Variants in RBFOX1 observed in about 807,000 individuals in gnomAD.
The protein encoded by RBFOX1 is RNA binding protein fox-1 homolog 1.
Under a neutral mutation model 57.7 loss-of-function variants are expected in RBFOX1, and 8 were observed. The ratio of observed to expected loss-of-function variants is 0.14; its 90% CI spans 0.08 to 0.25. The LOEUF is 0.25. Ranked by LOEUF, RBFOX1 falls within the 10% of genes least tolerant of loss-of-function variation. The pLI is 1.00. For missense variants in RBFOX1, 611 were observed against 548.5 expected (o/e 1.11, Z -1.14); for synonymous variants, 326 against 222.4 (o/e 1.47, Z -4.15).
At chr16:7,361,473 C>A (rs2097318808) in intron 4 of RBFOX1, among the ~76,000 whole-genome samples, 2 of 152,180 alleles carry the variant, frequency 1.3e-5, no homozygotes, top group Admixed American at 6.5e-5. Context: ...GTTACCTGGT[C>A]CCCTGCTTGA....
intron 5 of RBFOX1, among the ~76,000 whole-genome samples, chr16:7,543,780 G>A (rs113372271): frequency 0.042 from 6,299 of 151,480 alleles, 193 homozygotes; most frequent in East Asian, 0.12. Flanking sequence ...GAGTGCAGTG[G>A]CACGATCTTG....
chr16:5,747,935 C>T (rs2053050457), intron 3 of RBFOX1, among the ~76,000 whole-genome samples: 1 of 152,004 alleles, frequency 6.6e-6, no homozygotes, highest in Admixed American at 6.6e-5. Context: ...TGTGTTTGCT[C>T]TTGCTTCTTT....
At chr16:6,102,848 C>G (rs1194053439) in intron 1 of RBFOX1, among the ~76,000 whole-genome samples, 1 of 152,030 alleles carries the variant, frequency 6.6e-6, no homozygotes, top group African/African-American at 2.4e-5. Flanking sequence ...TGTGTCCTGG[C>G]TTGTAGGACA....
At chr16:7,261,770 C>G (rs971368944) in intron 4 of RBFOX1, among the ~76,000 whole-genome samples, 1 of 152,170 alleles carries the variant, frequency 6.6e-6, no homozygotes, top group Admixed American at 6.5e-5. Flanking sequence ...AAAGTGAGAT[C>G]ACGAGAGCCT....
chr16:5,397,960 C>T (rs1024747568), intron 1 of RBFOX1, among the ~76,000 whole-genome samples: 30 of 152,160 alleles, frequency 2.0e-4, no homozygotes, highest in Non-Finnish European at 4.0e-4. Flanking sequence ...AGGTCCTTGC[C>T]CCCATGGAGC....
intron 3 of RBFOX1, among the ~76,000 whole-genome samples, chr16:5,774,827 C>G (rs1011726179): frequency 1.3e-5 from 2 of 152,154 alleles, no homozygotes; most frequent in African/African-American, 2.4e-5. Context: ...GGATTGCAGG[C>G]ACGTGCCACC....
At chr16:5,540,861 A>G (rs939673885) in intron 2 of RBFOX1, among the ~76,000 whole-genome samples, 1 of 152,084 alleles carries the variant, frequency 6.6e-6, no homozygotes, top group Non-Finnish European at 1.5e-5. Context: ...AATTTATTTT[A>G]TGTTTTTAGA....
At chr16:6,870,183 G>A (rs187655711) in intron 3 of RBFOX1, among the ~76,000 whole-genome samples, 66 of 152,172 alleles carry the variant, frequency 4.3e-4, no homozygotes, top group African/African-American at 1.4e-3. Flanking sequence ...GGTTTGGCCC[G>A]AAAACCTTAT....
In RBFOX1 at chr16:5,782,945, T is replaced by G. The variant is rs558046326; in HGVS notation, c.319-84358T>G. On this transcript the variant is annotated intron_variant, in intron 3 of 19. Coordinates refer to the RBFOX1 transcript ENST00000641259. ...TTGTTCTATGTAGGCCCTCCATGGATTGGATGACATCACCCACACGGGTGA... is the reference window on the plus strand; with the variant it reads ...TTGTTCTATGTAGGCCCTCCATGGAGTGGATGACATCACCCACACGGGTGA... Among the ~76,000 whole-genome samples the G allele has an allele frequency of 2.9e-4, 44 of 152,288 alleles. No individual in the cohort carries two copies. The South Asian group carries it at 9.1e-3, about 32-fold the overall frequency.
chr16:6,871,569 G>A (rs925397407), intron 3 of RBFOX1, among the ~76,000 whole-genome samples: 1 of 151,956 alleles, frequency 6.6e-6, no homozygotes, highest in African/African-American at 2.4e-5. Flanking sequence ...CTTAATTACT[G>A]ACTGAAACTT....
rs146075225 is a variant in RBFOX1 at position 5,266,080 on chromosome 16, C to G, written c.219+25975C>G. ...CTCTGGATTTTCTTTGTTTTGGACT[C>G]TACCTGCCTCCAAATGACATTTCTG... On this transcript the variant is annotated intron_variant, in intron 1 of 2. Transcript: ENST00000585867. Among the ~76,000 whole-genome samples the G allele has an allele frequency of 2.2e-3, 329 of 152,132 alleles. 3 individuals carry two copies. The highest frequency in any genetic ancestry group is 7.6e-3 in the African/African-American group (315 of 41,524).
chr16:7,304,188 G>A, intron 4 of RBFOX1: 1 of 972,462 alleles, frequency 1.0e-6, no homozygotes, highest in Non-Finnish European at 1.2e-6. Flanking sequence ...GAGGAGGAAA[G>A]AGGGGGAGAG....
Position 5,856,595 on chromosome 16 carries a change from ATATATATAT to A in RBFOX1, c.319-10707_319-10699del, listed in dbSNP as rs1567632438. 2.4e-4 allele frequency among the ~76,000 whole-genome samples: 23 copies of A among 95,984 alleles called. 2 individuals carry two copies. The highest frequency in any genetic ancestry group is 7.7e-4 in the Admixed American group (6 of 7,792). The allele number at this position is 95,984 out of a possible 152,430, so 63.0% of individuals were successfully genotyped here. On this transcript the variant is annotated intron_variant, in intron 3 of 19. Transcript: ENST00000641259. ...TGTGTGTATATATATATATATATATATATATATATAATCTTAGCCAGATCTTCTGGATAA... is the reference window on the plus strand; with the variant it reads ...TGTGTGTATATATATATATATATATAAATCTTAGCCAGATCTTCTGGATAA...
At chr16:6,960,429 C>G (rs1476025934) in intron 3 of RBFOX1, among the ~76,000 whole-genome samples, 1 of 152,118 alleles carries the variant, frequency 6.6e-6, no homozygotes. Flanking sequence ...TCCCTGTACC[C>G]GGTTACAGGA....
intron 2 of RBFOX1, among the ~76,000 whole-genome samples, chr16:6,324,848 A>T (rs2082195448): frequency 6.6e-6 from 1 of 152,188 alleles, no homozygotes; most frequent in African/African-American, 2.4e-5. Context: ...TCTCAGCAAG[A>T]CAGAGATGGA....
chr16:6,634,518 A>G (rs1032275433), intron 2 of RBFOX1, among the ~76,000 whole-genome samples: 1 of 148,766 alleles, frequency 6.7e-6, no homozygotes, highest in African/African-American at 2.4e-5. Flanking sequence ...TTAATAGAAT[A>G]TATGATATAT....
intron 3 of RBFOX1, among the ~76,000 whole-genome samples, chr16:6,890,425 T>G (rs1427044240): frequency 6.6e-6 from 1 of 152,168 alleles, no homozygotes; most frequent in Non-Finnish European, 1.5e-5. Context: ...AGGCTGAGGC[T>G]GGAGGATCAC....
chr16:6,422,415 T>A (rs2152990773), intron 2 of RBFOX1, among the ~76,000 whole-genome samples: 1 of 152,200 alleles, frequency 6.6e-6, no homozygotes, highest in Non-Finnish European at 1.5e-5. Flanking sequence ...TCCCCTCCAG[T>A]GGCCCCCTTG....
At chr16:7,271,424 G>A (rs577574996) in intron 4 of RBFOX1, among the ~76,000 whole-genome samples, 1 of 151,722 alleles carries the variant, frequency 6.6e-6, no homozygotes, top group South Asian at 2.1e-4. Flanking sequence ...ATCCTTTAAA[G>A]TTTCAATGAT....
Sources: allele counts gnomAD v4.1 joint callset (sites outside exome capture counted in the v4.1 genomes callset), GRCh38; gene constraint gnomAD v4.1.1; transcripts MANE v1.5; gene names NCBI Gene and HGNC (gene_info 2026-07-23, HGNC 2026-07-21).